MYBPC1: variants seen among roughly 807,000 people sequenced by gnomAD.
The protein encoded by MYBPC1 is myosin binding protein C1.
A neutral mutation model predicts 147.1 loss-of-function variants in MYBPC1; 52 were observed. The observed-to-expected ratio is 0.35, with a 90% CI of 0.28 to 0.45. The LOEUF (loss-of-function observed/expected upper bound fraction) is 0.45. Among genes scored for constraint, MYBPC1 ranks in the 20% least tolerant of loss-of-function variants. MYBPC1 has a pLI of 1.00. For missense variants in MYBPC1, 1,228 were observed against 1,440.3 expected, an observed-to-expected ratio of 0.85 and a Z score of 2.39; for synonymous variants, 477 against 475.9, an observed-to-expected ratio of 1.00 and a Z score of -0.03.
At chr12:101,627,975 T>C in intron 5 of MYBPC1, 171 bp downstream of exon 5, 1 of 774,392 alleles carries the variant, frequency 1.3e-6, no homozygotes, top group Non-Finnish European at 2.1e-6. Context: ...TGAGAAACAA[T>C]TAATTTTGCA....
the MYBPC1 span, among the ~76,000 whole-genome samples, chr12:101,691,408 C>A: frequency 6.6e-6 from 1 of 152,194 alleles, no homozygotes; most frequent in Non-Finnish European, 1.5e-5. Flanking sequence ...CCCACTCTTT[C>A]TTCCAAACCA....
At chr12:101,642,620 G>C (rs1284742515) in intron 11 of MYBPC1, 35 bp downstream of exon 11, 1 of 1,589,340 alleles carries the variant, frequency 6.3e-7, no homozygotes, top group Non-Finnish European at 8.6e-7. Context: ...GCGGCCGAGG[G>C]GCGTGGCAGC....
chr12:101,673,903 A>G (rs988113512), intron 25 of MYBPC1, among the ~76,000 whole-genome samples: 2 of 152,148 alleles, frequency 1.3e-5, no homozygotes, highest in South Asian at 2.1e-4. Flanking sequence ...AAATACAAAA[A>G]GTAGCTGGGC....
At chr12:101,659,553 C>G in intron 18 of MYBPC1, 119 bp from the exon 19 acceptor site, 1 of 1,044,568 alleles carries the variant, frequency 9.6e-7, no homozygotes, top group Non-Finnish European at 1.5e-6. Context: ...ACCAAATACA[C>G]TATATAATCT....
chr12:101,607,112 C>A (rs143460019), intron 1 of MYBPC1, among the ~76,000 whole-genome samples: 1 of 152,112 alleles, frequency 6.6e-6, no homozygotes, highest in African/African-American at 2.4e-5. Context: ...AGAGCCACTG[C>A]GCCCGGCCAT....
At chr12:101,618,410 C>A (rs2135880368) in intron 3 of MYBPC1, among the ~76,000 whole-genome samples, 1 of 152,290 alleles carries the variant, frequency 6.6e-6, no homozygotes, top group East Asian at 1.9e-4. Flanking sequence ...ACAGTGCAAA[C>A]TCCTAGAACT....
chr12:101,693,587 A>G, the MYBPC1 span, among the ~76,000 whole-genome samples: 1,800 of 152,232 alleles, frequency 0.012, 45 homozygotes, highest in East Asian at 0.054. Context: ...CTAAAAATAC[A>G]AAAATTAGCT....
Position 101,651,095 on chromosome 12 carries a change from A to G in MYBPC1, c.1364-136A>G, listed in dbSNP as rs149357229. The G allele has an allele frequency of 3.3e-3, 3,062 of 925,464 alleles. 8 individuals are homozygous for G. The highest frequency in any genetic ancestry group is 4.4e-3 in the Non-Finnish European group (2,500 of 568,528). 57.3% of individuals were successfully genotyped at this position (925,464 alleles called of 1,614,324 possible). ...CAAATGTGAAATTATCCTCTAATATATTAATTGCATTGGTACAGCTTCTCA... is the reference window on the plus strand; with the variant it reads ...CAAATGTGAAATTATCCTCTAATATGTTAATTGCATTGGTACAGCTTCTCA... On this transcript the variant is annotated intron_variant, in intron 15 of 31. Transcript: ENST00000361466.
At chr12:101,625,161 C>A (rs558293338) in intron 3 of MYBPC1, among the ~76,000 whole-genome samples, 1 of 150,510 alleles carries the variant, frequency 6.6e-6, no homozygotes, top group Non-Finnish European at 1.5e-5. Context: ...AAGTCTTAAC[C>A]ACACTGTAAC....
chr12:101,606,395 A>G (rs1882181032), intron 1 of MYBPC1, among the ~76,000 whole-genome samples: 1 of 151,892 alleles, frequency 6.6e-6, no homozygotes, highest in African/African-American at 2.4e-5. Context: ...GACCTGGTAA[A>G]CTCCCTACCT....
chr12:101,606,446 C>A (rs1882206321), intron 1 of MYBPC1, among the ~76,000 whole-genome samples: 1 of 150,798 alleles, frequency 6.6e-6, no homozygotes, highest in East Asian at 1.9e-4. Context: ...TTGAGAACCA[C>A]TAATATAAAT....
rs766337114 is a variant in MYBPC1 at position 101,652,663 on chromosome 12, T to G, written c.1527-15T>G. ...TCTTTGGAGTCTTAGAAATACATTT[T>G]CCTTGTTTCCTTAGGATCCACAAGT... On this transcript the variant is annotated splice_polypyrimidine_tract_variant and intron_variant, in intron 16 of 31. Transcript: ENST00000361466. 6.4e-6 allele frequency: 10 copies of G among 1,569,326 alleles called. No individual in the cohort carries two copies. The East Asian group carries it at 2.2e-4, about 35-fold the overall frequency.
Position 101,614,511 on chromosome 12 carries a change from C to T in MYBPC1, c.41C>T (p.Ala14Val), listed in dbSNP as rs750933739. The change falls in exon 2 of 32, where the codon GCC (alanine) becomes GTC (valine). Residue 14 changes from alanine (A) to valine (V), a missense_variant. Ala to Val is a moderately conservative substitution (Grantham distance 64). This residue lies in a region of MYBPC1 where 151 missense variants were observed against 126.1 expected (regional missense o/e 1.20). Transcript: ENST00000361466. ...PTKKEENEVPAPAPPPEEPSK... is the reference protein window; with the variant it reads ...PTKKEENEVPVPAPPPEEPSK... The stretch of plus-strand genomic sequence containing the variant: ...CCATTTCTAGAAAATGAAGTGCCAG[C>T]CCCAGCCCCACCCCCGGAAGGTGAG... 1 of 1,613,676 alleles carries T rather than the reference C, an allele frequency of 6.2e-7. No individual in the cohort carries two copies. Among genetic ancestry groups the T allele is most frequent in the Admixed American group, 1.7e-5 (1 of 59,960 alleles).
At chr12:101,633,986 T>C (rs1890482627) in intron 8 of MYBPC1, among the ~76,000 whole-genome samples, 1 of 150,216 alleles carries the variant, frequency 6.7e-6, no homozygotes, top group Non-Finnish European at 1.5e-5. Flanking sequence ...GAGCTCCGCC[T>C]CCCGGGTTCA....
intron 10 of MYBPC1, among the ~76,000 whole-genome samples, chr12:101,638,703 C>T (rs936909306): frequency 6.6e-6 from 1 of 152,120 alleles, no homozygotes; most frequent in African/African-American, 2.4e-5. Flanking sequence ...AAAGAACAGA[C>T]TTTTTCAACC....
intron 3 of MYBPC1, among the ~76,000 whole-genome samples, chr12:101,626,114 T>TAAAAAAAAAAA (rs1888556315): frequency 1.0e-5 from 1 of 98,246 alleles, no homozygotes; most frequent in Non-Finnish European, 2.2e-5. Context: ...AAAAAAAAAT[T>TAAAAAAAAAAA]TATCCTTCTA....
At chr12:101,665,216 C>T (rs963724821) in intron 22 of MYBPC1, among the ~76,000 whole-genome samples, 10 of 152,036 alleles carry the variant, frequency 6.6e-5, no homozygotes, top group Admixed American at 3.3e-4. Flanking sequence ...TGTACACAGT[C>T]ATTATTATGT....
At chr12:101,669,014 G>A (rs867085264) in intron 23 of MYBPC1, among the ~76,000 whole-genome samples, 1 of 152,120 alleles carries the variant, frequency 6.6e-6, no homozygotes, top group Non-Finnish European at 1.5e-5. Flanking sequence ...TTGAACCCAG[G>A]AGGCGGAGGC....
chr12:101,675,442 G>C lies in MYBPC1; in HGVS notation c.2949+11G>C. 3 of 1,614,084 alleles carry C rather than the reference G, an allele frequency of 1.9e-6. No homozygotes were observed. The highest frequency in any genetic ancestry group is 2.5e-6 in the Non-Finnish European group (3 of 1,179,944). ...GACAAGAAGAGCATGGTAAGGTCTG[G>C]CTTTCTCTGGTTCATCAGTAGCAAA... On this transcript the variant is annotated intron_variant, in intron 26 of 31. Transcript: ENST00000361466.
Sources: allele counts gnomAD v4.1 joint callset (sites outside exome capture counted in the v4.1 genomes callset), GRCh38; gene constraint gnomAD v4.1.1; regional missense constraint gnomAD v4.1.1; transcripts MANE v1.5; gene names NCBI Gene and HGNC (gene_info 2026-07-23, HGNC 2026-07-21).